The following NCOR1 variants were observed in gnomAD, a reference collection of about 807,000 sequenced individuals.
The protein encoded by NCOR1 is protein phosphatase 1, regulatory subunit 109.
NCOR1 carries 63 observed loss-of-function variants against 288.1 expected under a neutral mutation model. That is an observed-to-expected ratio of 0.22 (90% CI 0.18 to 0.27). NCOR1 has a LOEUF of 0.27. NCOR1 is among the 10% of genes least tolerant of loss of function. The probability of loss-of-function intolerance (pLI) is 1.00; values close to 1 mark genes in which losing one functional copy is unlikely to be tolerated. For synonymous variants in NCOR1, 1,007 were observed against 1,065.9 expected (o/e 0.94, Z 1.08); for missense variants, 2,397 against 3,019.2 (o/e 0.79, Z 4.83).
chr17:16,212,692 C>T (rs536980434), intron 1 of NCOR1, among the ~76,000 whole-genome samples: 1 of 152,144 alleles, frequency 6.6e-6, no homozygotes, highest in Non-Finnish European at 1.5e-5. Flanking sequence ...ACATCAACCC[C>T]CAGTCTATCC....
chr17:16,110,773 C>T (rs1243022913), intron 18 of NCOR1, among the ~76,000 whole-genome samples: 1 of 152,146 alleles, frequency 6.6e-6, no homozygotes, highest in Non-Finnish European at 1.5e-5. Context: ...TATTTAGGAT[C>T]CAACTAAAAT....
At chr17:16,105,485 C>T (rs77085168) in intron 19 of NCOR1, among the ~76,000 whole-genome samples, 3,568 of 152,124 alleles carry the variant, frequency 0.023, 142 homozygotes, top group African/African-American at 0.081. Flanking sequence ...GCAATGAGGG[C>T]TCCTCAGAAG....
At position 16,139,078 on chromosome 17, in the gene NCOR1, T is replaced by C; in HGVS notation, c.1282A>G (p.Met428Val). The C allele has an allele frequency of 1.2e-6, 2 of 1,612,432 alleles. No individual in the cohort carries two copies. The highest frequency in any genetic ancestry group is 1.7e-6 in the Non-Finnish European group (2 of 1,179,150). Reference sequence around the variant, plus strand: ...AACTGCCTATCTTTATACACTTTCATAGGGTCCTCCATAAGCCCATTCATG... The same window carrying C: ...AACTGCCTATCTTTATACACTTTCACAGGGTCCTCCATAAGCCCATTCATG... Reference protein sequence around the residue: ...INMNGLMEDPMKVYKDRQFMN... With the variant: ...INMNGLMEDPVKVYKDRQFMN... Residue 428 changes from methionine (M) to valine (V), a missense_variant, in exon 12 of 46, where the codon ATG (methionine) becomes GTG (valine). Physicochemically the swap from Met to Val is conservative, Grantham distance 21 (BLOSUM62 1). Coordinates refer to ENST00000268712, the MANE Select transcript of NCOR1 (RefSeq NM_006311.4).
chr17:16,113,446 T>C (rs771118366), intron 18 of NCOR1, among the ~76,000 whole-genome samples: 28 of 152,256 alleles, frequency 1.8e-4, no homozygotes, highest in South Asian at 4.2e-4. Flanking sequence ...AGATATGTCG[T>C]TGGAAAAGGG....
chr17:16,107,367 T>C (rs2068988296), intron 19 of NCOR1, among the ~76,000 whole-genome samples: 1 of 152,038 alleles, frequency 6.6e-6, no homozygotes, highest in African/African-American at 2.4e-5. Context: ...TCTAATCCAG[T>C]AGGAGTTGTC....
chr17:16,116,644 G>A (rs7207901), intron 18 of NCOR1, among the ~76,000 whole-genome samples: 8,129 of 152,184 alleles, frequency 0.053, 275 homozygotes, highest in African/African-American at 0.11. Flanking sequence ...AAAAGGGGAG[G>A]CTGGTGCAAC....
At chr17:16,099,216 G>A (rs73981447) in intron 20 of NCOR1, among the ~76,000 whole-genome samples, 7,539 of 152,116 alleles carry the variant, frequency 0.05, 223 homozygotes, top group African/African-American at 0.092. Flanking sequence ...ACACTCCACC[G>A]GCTGATGTTG....
chr17:16,149,539 G>C (rs2078538557), intron 8 of NCOR1, 22 bp from the exon 9 acceptor site: 4 of 1,275,454 alleles, frequency 3.1e-6, no homozygotes, highest in African/African-American at 3.0e-5. Context: ...AAATATGGTT[G>C]CATGACATTA....
chr17:16,126,824 A>G (rs1418007495), intron 14 of NCOR1, among the ~76,000 whole-genome samples: 1 of 152,168 alleles, frequency 6.6e-6, no homozygotes, highest in Non-Finnish European at 1.5e-5. Context: ...CATTTGCAAA[A>G]CCTGTGACTC....
chr17:16,095,366 C>A (rs1371599830), intron 21 of NCOR1, among the ~76,000 whole-genome samples: 1 of 151,058 alleles, frequency 6.6e-6, no homozygotes, highest in African/African-American at 2.4e-5. Flanking sequence ...CGTCTCCGCC[C>A]GGCAGCCACC....
intron 4 of NCOR1, among the ~76,000 whole-genome samples, chr17:16,166,580 T>C (rs1419861440): frequency 1.3e-5 from 2 of 151,894 alleles, no homozygotes; most frequent in African/African-American, 4.8e-5. Context: ...CTCGGGAGGC[T>C]GAGGCAGGAA....
intron 10 of NCOR1, among the ~76,000 whole-genome samples, chr17:16,145,315 C>T (rs1377980800): frequency 1.3e-5 from 2 of 152,202 alleles, no homozygotes; most frequent in African/African-American, 4.8e-5. Context: ...TCTGCCCGGC[C>T]ACCACCCCAT....
chr17:16,163,250 A>G (rs566369874), intron 5 of NCOR1, among the ~76,000 whole-genome samples: 3 of 152,290 alleles, frequency 2.0e-5, no homozygotes, highest in Admixed American at 1.3e-4. Flanking sequence ...GAATGAGAGA[A>G]AATATCTATT....
chr17:16,046,024 G>A (rs2058595754), intron 42 of NCOR1, among the ~76,000 whole-genome samples: 1 of 152,104 alleles, frequency 6.6e-6, no homozygotes, highest in East Asian at 1.9e-4. Context: ...TGTTGTCCAG[G>A]CTAATCTCGA....
intron 31 of NCOR1, chr17:16,068,328 G>C (rs979770970): frequency 5.5e-6 from 3 of 548,918 alleles, no homozygotes; most frequent in Non-Finnish European, 9.7e-6. Flanking sequence ...GAGATTTGGA[G>C]AGTACTGTCA....
chr17:16,146,689 CAA>C lies in NCOR1; in HGVS notation c.910-143_910-142del. ...ATGACTCAACTGTGAACGAAAAGCA[CAA>C]AGAGGAGAGAGGAAAGGTAGCTCTG... On this transcript the variant is annotated intron_variant, in intron 9 of 45. Transcript: ENST00000268712. 5 of 700,534 alleles carry C rather than the reference CAA, an allele frequency of 7.1e-6. No individual in the cohort carries two copies. The East Asian group carries it at 1.2e-4, about 16-fold the overall frequency. 43.4% of individuals were successfully genotyped at this position (700,534 alleles called of 1,614,324 possible).
intron 3 of NCOR1, among the ~76,000 whole-genome samples, chr17:16,175,105 C>T (rs907310013): frequency 6.6e-6 from 1 of 151,978 alleles, no homozygotes; most frequent in African/African-American, 2.4e-5. Context: ...CCGTGGCTCA[C>T]GCCTGTAATC....
At chr17:16,138,106 A>G in intron 13 of NCOR1, 52 bp downstream of exon 13, 3 of 1,471,066 alleles carry the variant, frequency 2.0e-6, no homozygotes, top group Non-Finnish European at 2.8e-6. Context: ...AGAATTTCAA[A>G]GTAACAACCA....
chr17:16,186,812 TC>T, intron 2 of NCOR1, 125 bp from the exon 3 acceptor site: 1 of 781,352 alleles, frequency 1.3e-6, no homozygotes, highest in Non-Finnish European at 2.1e-6. Flanking sequence ...ACTATTTCAA[TC>T]CTTCATTGAT....
Sources: allele counts gnomAD v4.1 joint callset (sites outside exome capture counted in the v4.1 genomes callset), GRCh38; gene constraint gnomAD v4.1.1; transcripts MANE v1.5; gene names NCBI Gene and HGNC (gene_info 2026-07-23, HGNC 2026-07-21).